The following HMX1 variants were observed in gnomAD, a reference collection of about 807,000 sequenced individuals.
The protein encoded by HMX1 is homeobox protein HMX1.
In HMX1, 8 loss-of-function variants were observed where a neutral mutation model predicts 8.9. That is an observed-to-expected ratio of 0.90 (90% CI 0.53 to 1.63). HMX1 has a LOEUF of 1.63. Among genes scored for constraint, HMX1 ranks in the 40% most tolerant of loss-of-function variants. The pLI, the probability that HMX1 is intolerant of heterozygous loss-of-function variation, is 0.00. For synonymous variants in HMX1, 311 were observed against 283.4 expected, an observed-to-expected ratio of 1.10 and a Z score of -0.98; for missense variants, 621 against 558.5, an observed-to-expected ratio of 1.11 and a Z score of -1.13.
chr4:8,866,473 G>C (rs1722000034), downstream of HMX1, among the ~76,000 whole-genome samples: 1 of 152,234 alleles, frequency 6.6e-6, no homozygotes. Flanking sequence ...TGGAGGTGGG[G>C]TGGCCCCAGT....
chr4:8,857,637 G>A (rs1264805993), intron 1 of HMX1, among the ~76,000 whole-genome samples: 1 of 151,782 alleles, frequency 6.6e-6, no homozygotes, highest in Non-Finnish European at 1.5e-5. Context: ...CTGCGAGCAC[G>A]CAGGGGTCTC....
chr4:8,867,342 C>A lies in HMX1; in HGVS notation c.*351G>T. 3 of 1,008,212 alleles carry A rather than the reference C, an allele frequency of 3.0e-6. No homozygotes were observed. Among genetic ancestry groups the A allele is most frequent in the Non-Finnish European group, 3.5e-6 (3 of 845,362 alleles). 62.5% of individuals were successfully genotyped at this position (1,008,212 alleles called of 1,614,324 possible). On this transcript the variant is annotated 3_prime_UTR_variant, in exon 2 of 2. Transcript: ENST00000400677. ...GCCGGTTCGTAGTTTTCCTTTGTTGCGCTGGGCTTGGCCTGAGGGCAGCTG... is the reference window on the plus strand; with the variant it reads ...GCCGGTTCGTAGTTTTCCTTTGTTGAGCTGGGCTTGGCCTGAGGGCAGCTG...
At chr4:8,856,452 A>G (rs1211471238) in intron 1 of HMX1, among the ~76,000 whole-genome samples, 1 of 152,134 alleles carries the variant, frequency 6.6e-6, no homozygotes, top group Non-Finnish European at 1.5e-5. Context: ...GCTCTGGTAC[A>G]AATGAAGACT....
At chr4:8,858,180 C>G (rs1342932336) in intron 1 of HMX1, among the ~76,000 whole-genome samples, 1 of 152,210 alleles carries the variant, frequency 6.6e-6, no homozygotes, top group East Asian at 1.9e-4. Context: ...AGAAACAAAC[C>G]CAAATCAAAT....
intron 1 of HMX1, among the ~76,000 whole-genome samples, chr4:8,851,526 GGGCC>G: frequency 6.6e-6 from 1 of 152,326 alleles, no homozygotes; most frequent in East Asian, 1.9e-4. Context: ...TGCCATCCAA[GGGCC>G]CTCTGTAGAA....
chr4:8,863,298 C>T (rs1353413785), downstream of HMX1, among the ~76,000 whole-genome samples: 1 of 152,194 alleles, frequency 6.6e-6, no homozygotes, highest in Admixed American at 6.5e-5. Context: ...CAACAAGTTG[C>T]AAGGTGGGGC....
chr4:8,857,172 A>T (rs1721632270), intron 1 of HMX1, among the ~76,000 whole-genome samples: 1 of 152,230 alleles, frequency 6.6e-6, no homozygotes, highest in African/African-American at 2.4e-5. Flanking sequence ...TTTTTAAAAT[A>T]ACGAACAGAG....
chr4:8,869,997 G>T (rs1014643224), intron 1 of HMX1, among the ~76,000 whole-genome samples: 1 of 152,194 alleles, frequency 6.6e-6, no homozygotes, highest in Non-Finnish European at 1.5e-5. Context: ...CTACGTGAAG[G>T]GGGTGGGGGC....
chr4:8,852,574 C>T (rs189874302), intron 1 of HMX1, among the ~76,000 whole-genome samples: 36 of 152,312 alleles, frequency 2.4e-4, no homozygotes, highest in Non-Finnish European at 3.5e-4. Flanking sequence ...GGGAACTGGA[C>T]GCATCCCACC....
At position 8,871,163 on chromosome 4, in the gene HMX1, G is replaced by A. The variant is rs1722200437; in HGVS notation, c.394+58C>T. ...ACGAGCCCGAAGTCCCCCAGCAAAT[G>A]CGCAGGGAGGAAGTCGGGCCCCACC... On this transcript the variant is annotated intron_variant, in intron 1 of 1. Coordinates refer to ENST00000400677, the MANE Select transcript of HMX1 (RefSeq NM_018942.3). The surrounding 1 kb of genome is among the most constrained non-coding windows in gnomAD (Gnocchi z 4.8). 2.3e-6 allele frequency: 3 copies of A among 1,320,912 alleles called. No individual in the cohort carries two copies. The highest frequency in any genetic ancestry group is 3.5e-5 in the East Asian group (1 of 28,534). The allele number at this position is 1,320,912 out of a possible 1,614,324, so 81.8% of individuals were successfully genotyped here.
At chr4:8,851,056 G>A (rs556639931) in intron 1 of HMX1, among the ~76,000 whole-genome samples, 23 of 152,370 alleles carry the variant, frequency 1.5e-4, no homozygotes, top group African/African-American at 5.0e-4. Context: ...AATTCTGAAC[G>A]GCATTCCCAT....
chr4:8,852,460 A>G (rs918780153), intron 1 of HMX1, among the ~76,000 whole-genome samples: 3 of 152,196 alleles, frequency 2.0e-5, no homozygotes, highest in Non-Finnish European at 2.9e-5. Flanking sequence ...GCCAGGAAAC[A>G]GGGGGCTGAG....
chr4:8,866,701 G>T (rs564815492), downstream of HMX1, among the ~76,000 whole-genome samples: 2 of 152,212 alleles, frequency 1.3e-5, no homozygotes, highest in Admixed American at 6.5e-5. Context: ...CTGTGCACAC[G>T]GGGCGCCACA....
chr4:8,853,287 C>G lies in HMX1; in HGVS notation c.395-6963G>C, dbSNP rs1721509949. On this transcript the variant is annotated intron_variant, in intron 1 of 1. Transcript: ENST00000506970. This position sits in a 1 kb window ranked among gnomAD's most constrained non-coding sequence, Gnocchi z 4.7. The stretch of plus-strand genomic sequence containing the variant: ...GCCCCAGGTCACCAGGGACCTGGCT[C>G]CTTCTATCCGAGGCTCTGCTTTGCT... 6.6e-6 allele frequency among the ~76,000 whole-genome samples: 1 copy of G among 152,168 alleles called. No homozygotes were observed. Among genetic ancestry groups the G allele is most frequent in the Non-Finnish European group, 1.5e-5 (1 of 68,038 alleles).
chr4:8,861,362 C>A (rs531956683), intron 1 of HMX1, among the ~76,000 whole-genome samples: 4 of 152,116 alleles, frequency 2.6e-5, no homozygotes, highest in Non-Finnish European at 4.4e-5. Flanking sequence ...GCCGCGCTTC[C>A]CGCGGCCTGT....
chr4:8,870,319 G>A lies in HMX1; in HGVS notation c.394+902C>T, dbSNP rs559867732. Among the ~76,000 whole-genome samples the A allele has an allele frequency of 5.3e-5, 8 of 152,132 alleles. No homozygotes were observed. The East Asian group carries it at 1.6e-3, about 30-fold the overall frequency. ...TCCTAAAGGGCAGGTACAAAAGGGA[G>A]GCAGCGACCCTGGAACCCTGGGGAG... is the stretch of plus-strand genomic sequence containing the variant. On this transcript the variant is annotated intron_variant, in intron 1 of 1. Transcript: ENST00000400677. This position sits in a 1 kb window ranked among gnomAD's most constrained non-coding sequence, Gnocchi z 4.4.
chr4:8,852,715 A>G (rs1013110838), intron 1 of HMX1, among the ~76,000 whole-genome samples: 5 of 152,116 alleles, frequency 3.3e-5, no homozygotes, highest in African/African-American at 1.2e-4. Flanking sequence ...TCTTTTGTGA[A>G]TTTTCCCCTC....
At chr4:8,850,969 G>A (rs1289110800) in intron 1 of HMX1, among the ~76,000 whole-genome samples, 1 of 152,370 alleles carries the variant, frequency 6.6e-6, no homozygotes, top group South Asian at 2.1e-4. Flanking sequence ...GGCTCCCCCA[G>A]GGCAGGGAGT....
Position 8,853,539 on chromosome 4 carries a change from T to G in HMX1, c.395-7215A>C, listed in dbSNP as rs998877631. Among the ~76,000 whole-genome samples the G allele has an allele frequency of 2.6e-5, 4 of 152,134 alleles. No homozygotes were observed. Among genetic ancestry groups the G allele is most frequent in the African/African-American group, 9.7e-5 (4 of 41,404 alleles). ...GTGCCCAACTGAAATCCAGAAGGGT[T>G]CAATTAGTAAAAGGTAAAAGGGGAG... On this transcript the variant is annotated intron_variant, in intron 1 of 1. Transcript: ENST00000506970. The surrounding 1 kb of genome is among the most constrained non-coding windows in gnomAD (Gnocchi z 4.7).
Sources: allele counts gnomAD v4.1 joint callset (sites outside exome capture counted in the v4.1 genomes callset), GRCh38; gene constraint gnomAD v4.1.1; non-coding constraint Gnocchi (gnomAD v3.1); transcripts MANE v1.5; gene names NCBI Gene and HGNC (gene_info 2026-07-23, HGNC 2026-07-21).